The following FIG4 variants were observed in gnomAD, a reference collection of about 807,000 sequenced individuals.
The protein encoded by FIG4 is FIG4 phosphoinositide 5-phosphatase, also known as polyphosphoinositide phosphatase.
In FIG4, 112 loss-of-function variants were observed where a neutral mutation model predicts 118.6. That is an observed-to-expected ratio of 0.94 (90% confidence interval 0.81 to 1.11). The LOEUF is 1.11. Ranked by LOEUF, FIG4 falls within the 50% of genes least tolerant of loss-of-function variation. The probability of loss-of-function intolerance (pLI) is 0.00; values close to 1 mark genes in which losing one functional copy is unlikely to be tolerated. For missense variants in FIG4, 969 were observed against 1,111.7 expected, an observed-to-expected ratio of 0.87 and a Z score of 1.83; for synonymous variants, 369 against 381.2, an observed-to-expected ratio of 0.97 and a Z score of 0.37.
At chr6:109,761,001 G>T (rs1210619816) in intron 11 of FIG4, among the ~76,000 whole-genome samples, 1 of 152,026 alleles carries the variant, frequency 6.6e-6, no homozygotes, top group Non-Finnish European at 1.5e-5. Flanking sequence ...GTTAAATCTT[G>T]CATTGTCTTT....
intron 1 of FIG4, 58 bp downstream of exon 1, chr6:109,691,559 T>A: frequency 1.4e-6 from 2 of 1,430,976 alleles, no homozygotes; most frequent in Non-Finnish European, 1.9e-6. Context: ...CCGGTGGGTG[T>A]GGGGCCGTAG....
chr6:109,757,204 T>G (rs565029837), intron 10 of FIG4, among the ~76,000 whole-genome samples: 1 of 152,340 alleles, frequency 6.6e-6, no homozygotes, highest in Admixed American at 6.5e-5. Flanking sequence ...TCTCCTTCAG[T>G]TCTGCTCTGA....
At chr6:109,718,043 A>T (rs898331542) in intron 3 of FIG4, among the ~76,000 whole-genome samples, 24 of 152,180 alleles carry the variant, frequency 1.6e-4, no homozygotes, top group Non-Finnish European at 3.2e-4. Context: ...GCTGTACAGG[A>T]AGCATAGCAG....
chr6:109,716,578 C>A lies in FIG4; in HGVS notation c.289+10C>A, dbSNP rs778732368. On this transcript the variant is annotated intron_variant, in intron 3 of 22. Transcript: ENST00000230124. ...GCTTTTGGTGTTGTGGGTAAGAAATCTGCCCCCCTTCTTACAATCTCTTGT... is the reference window on the plus strand; with the variant it reads ...GCTTTTGGTGTTGTGGGTAAGAAATATGCCCCCCTTCTTACAATCTCTTGT... The A allele has an allele frequency of 7.4e-6, 12 of 1,613,396 alleles. No homozygotes were observed. Among genetic ancestry groups the A allele is most frequent in the Non-Finnish European group, 9.3e-6 (11 of 1,179,558 alleles).
At chr6:109,732,375 C>T (rs1776027026) in intron 4 of FIG4, among the ~76,000 whole-genome samples, 1 of 152,164 alleles carries the variant, frequency 6.6e-6, no homozygotes, top group Non-Finnish European at 1.5e-5. Context: ...CTGCTGTGCC[C>T]CCTACATGTA....
At chr6:109,727,996 C>T (rs1179164574) in intron 4 of FIG4, among the ~76,000 whole-genome samples, 1 of 152,166 alleles carries the variant, frequency 6.6e-6, no homozygotes, top group Non-Finnish European at 1.5e-5. Flanking sequence ...CTTGTACACA[C>T]ATCCTCACAC....
chr6:109,818,231 G>C lies in FIG4; in HGVS notation c.2547-6857G>C, dbSNP rs979747905. 2.7e-5 allele frequency among the ~76,000 whole-genome samples: 4 copies of C among 150,344 alleles called. No individual in the cohort carries two copies. The South Asian group carries it at 8.4e-4, about 32-fold the overall frequency. ...TTTTTTTTTTTTAAGACAGAGTTTC[G>C]CTCTTGTTGCCCAGGTTGGAGGGCA... On this transcript the variant is annotated intron_variant, in intron 22 of 22. Coordinates refer to ENST00000230124, the MANE Select transcript of FIG4 (RefSeq NM_014845.6).
chr6:109,796,507 A>C (rs1210166238), intron 21 of FIG4, among the ~76,000 whole-genome samples: 1 of 152,216 alleles, frequency 6.6e-6, no homozygotes, highest in East Asian at 1.9e-4. Flanking sequence ...AATTAATAGA[A>C]GTTCAATGGC....
intron 21 of FIG4, among the ~76,000 whole-genome samples, chr6:109,796,279 C>T (rs772232811): frequency 2.6e-5 from 4 of 152,158 alleles, no homozygotes; most frequent in Admixed American, 1.3e-4. Context: ...AGTCTGTGGC[C>T]GGCTCTTAGC....
chr6:109,697,244 A>AGAGT, intron 1 of FIG4, among the ~76,000 whole-genome samples: 1 of 149,196 alleles, frequency 6.7e-6, no homozygotes, highest in Middle Eastern at 3.4e-3. Flanking sequence ...CCTGGGCGAC[A>AGAGT]GAGTGAGACT....
At chr6:109,822,931 ATC>A (rs200050760) in intron 22 of FIG4, among the ~76,000 whole-genome samples, 2,592 of 150,344 alleles carry the variant, frequency 0.017, 68 homozygotes, top group African/African-American at 0.058. Context: ...TATACACCAT[ATC>A]TCATCTACAC....
intron 11 of FIG4, among the ~76,000 whole-genome samples, 178 bp from the exon 12 acceptor site, chr6:109,761,913 A>T (rs1282349815): frequency 6.6e-6 from 1 of 152,212 alleles, no homozygotes; most frequent in Admixed American, 6.5e-5. Context: ...GTTGCTGGTT[A>T]CTGAGTACAC....
chr6:109,808,734 C>T (rs188975174), intron 22 of FIG4, among the ~76,000 whole-genome samples: 15 of 152,172 alleles, frequency 9.9e-5, no homozygotes, highest in African/African-American at 3.4e-4. Flanking sequence ...AAGCCTGTCA[C>T]TTCAAGAAAA....
rs776503392 is a variant in FIG4 at position 109,779,199 on chromosome 6, A to G, written c.1889+2139A>G. Among the ~76,000 whole-genome samples, 44 of 152,142 alleles carry G rather than the reference A, an allele frequency of 2.9e-4. 1 individual carries two copies. Among genetic ancestry groups the G allele is most frequent in the South Asian group, 4.2e-4 (2 of 4,818 alleles). Reference sequence around the variant, plus strand: ...ATTGATGACAGTTAACCATAGGTAAATATGGTTGATTTTCTGAAATTTTGT... The same window carrying G: ...ATTGATGACAGTTAACCATAGGTAAGTATGGTTGATTTTCTGAAATTTTGT... On this transcript the variant is annotated intron_variant, in intron 16 of 22. Transcript: ENST00000230124.
At chr6:109,808,006 A>G (rs575554442) in intron 22 of FIG4, among the ~76,000 whole-genome samples, 2 of 152,090 alleles carry the variant, frequency 1.3e-5, no homozygotes, top group African/African-American at 2.4e-5. Context: ...TTTCTTTGGG[A>G]CTCAAACAGA....
rs558299221 is a variant in FIG4, at chr6:109,796,751, A to G, written c.2460-14A>G. The G allele has an allele frequency of 4.6e-6, 7 of 1,518,982 alleles. No individual in the cohort carries two copies. Among genetic ancestry groups the G allele is most frequent in the Non-Finnish European group, 6.4e-6 (7 of 1,093,234 alleles). 94.1% of individuals were successfully genotyped at this position (1,518,982 alleles called of 1,614,324 possible). On this transcript the variant is annotated splice_polypyrimidine_tract_variant and intron_variant, in intron 21 of 22. Coordinates refer to ENST00000230124, the MANE Select transcript of FIG4 (RefSeq NM_014845.6). ...TCCCTTCTTTAGCTGACTCTTATCC[A>G]TTGTAATTTGTAGATTTGTTCAGCT...
At chr6:109,796,742 C>G in intron 21 of FIG4, 23 bp from the exon 22 acceptor site, 1 of 1,427,026 alleles carries the variant, frequency 7.0e-7, no homozygotes, top group Non-Finnish European at 9.9e-7. Flanking sequence ...CTTTAGCTGA[C>G]TCTTATCCAT....
intron 1 of FIG4, among the ~76,000 whole-genome samples, chr6:109,711,557 ACT>A (rs1454805740): frequency 6.6e-6 from 1 of 151,458 alleles, no homozygotes; most frequent in East Asian, 1.9e-4. Context: ...GTTGGTTTTA[ACT>A]CTGTTTTGTC....
chr6:109,769,918 C>CA (rs1342721473), intron 15 of FIG4, among the ~76,000 whole-genome samples: 6 of 152,100 alleles, frequency 3.9e-5, no homozygotes, highest in African/African-American at 1.4e-4. Flanking sequence ...GACTGTCTCT[C>CA]AAAAAACAAG....
Sources: gnomAD v4.1 joint callset for allele counts (sites outside exome capture counted in the v4.1 genomes callset) on GRCh38, gnomAD v4.1.1 for gene constraint, MANE v1.5 for transcripts, NCBI Gene and HGNC (gene_info 2026-07-23, HGNC 2026-07-21) for gene names.